Variants in PECAM1 observed in about 807,000 individuals in gnomAD.
The protein encoded by PECAM1 is platelet endothelial cell adhesion molecule.
PECAM1 carries 8 observed loss-of-function variants against 13.8 expected under a neutral mutation model. The ratio of observed to expected loss-of-function variants is 0.58; its 90% CI spans 0.34 to 1.05. The LOEUF is 1.05. Ranked by LOEUF, PECAM1 falls within the 50% of genes least tolerant of loss-of-function variation. The pLI, the probability that PECAM1 is intolerant of heterozygous loss-of-function variation, is 0.03. For synonymous variants in PECAM1, 136 were observed against 52.6 expected, an observed-to-expected ratio of 2.58 and a Z score of -6.86; for missense variants, 304 against 141.2, an observed-to-expected ratio of 2.15 and a Z score of -5.84.
In PECAM1 at chr17:64,388,072, G is replaced by A. The variant is rs1287131153; in HGVS notation, c.91+2417C>T. On this transcript the variant is annotated intron_variant, in intron 2 of 15. Coordinates refer to ENST00000563924, the MANE Select transcript of PECAM1 (RefSeq NM_000442.5). Reference sequence around the variant, plus strand: ...CAAGGCAGAGGCCTGAGGAGGCAGTGGGAGAGTCGCTCCCTGTGCCATGTG... The same window carrying A: ...CAAGGCAGAGGCCTGAGGAGGCAGTAGGAGAGTCGCTCCCTGTGCCATGTG... Among the ~76,000 whole-genome samples, 13 of 115,172 alleles carry A rather than the reference G, an allele frequency of 1.1e-4. No homozygotes were observed. In the East Asian group the frequency reaches 3.2e-3, roughly 28 times the overall value. The allele number at this position is 115,172 out of a possible 152,430, so 75.6% of individuals were successfully genotyped here.
At position 64,358,111 on chromosome 17, in the gene PECAM1, CTTTTTTTTTTT is replaced by C. The variant is rs141671796; in HGVS notation, c.1493-1724_1493-1714del. 1.4e-4 allele frequency among the ~76,000 whole-genome samples: 10 copies of C among 71,534 alleles called. 1 individual carries two copies. Among genetic ancestry groups the C allele is most frequent in the East Asian group, 5.4e-4 (1 of 1,868 alleles). 46.9% of individuals were successfully genotyped at this position (71,534 alleles called of 152,430 possible). On this transcript the variant is annotated intron_variant, in intron 7 of 15. Coordinates refer to ENST00000563924, the MANE Select transcript of PECAM1 (RefSeq NM_000442.5). ...TCCAGCCATCTGATTTGGCCACAGT[CTTTTTTTTTTT>C]TTTTTTTTTTTTTTGAGATAGAGTC...
At chr17:64,347,396 C>G (rs1022972787) in intron 13 of PECAM1, among the ~76,000 whole-genome samples, 37 of 150,094 alleles carry the variant, frequency 2.5e-4, no homozygotes, top group Non-Finnish European at 4.9e-4. Context: ...CCGGCTGTGG[C>G]GGTGCATGCC....
intron 13 of PECAM1, among the ~76,000 whole-genome samples, chr17:64,345,481 G>C (rs1296289584): frequency 6.6e-6 from 1 of 152,088 alleles, no homozygotes; most frequent in Non-Finnish European, 1.5e-5. Context: ...GGGTGGTCAA[G>C]GCGGGTGGAT....
At chr17:64,387,821 C>A (rs1274383608) in intron 2 of PECAM1, among the ~76,000 whole-genome samples, 1 of 152,076 alleles carries the variant, frequency 6.6e-6, no homozygotes, top group Non-Finnish European at 1.5e-5. Context: ...TGGAGGGGAA[C>A]AAAGAGGCCT....
In PECAM1 at chr17:64,329,962, T is replaced by G. The variant is rs556844492; in HGVS notation, c.2165-240A>C. 2.0e-5 allele frequency among the ~76,000 whole-genome samples: 3 copies of G among 151,532 alleles called. No homozygotes were observed. In the East Asian group the frequency reaches 5.8e-4, roughly 29 times the overall value. ...CCTGGCACTTCATTTAAAATTTTCT[T>G]TATTTTTTATTTTTTGAGACAGAGT... On this transcript the variant is annotated intron_variant, in intron 14 of 15. Transcript: ENST00000563924.
intron 15 of PECAM1, among the ~76,000 whole-genome samples, chr17:64,328,795 A>G (rs1351040203): frequency 6.6e-6 from 1 of 152,180 alleles, no homozygotes; most frequent in African/African-American, 2.4e-5. Context: ...ATTTCTTCAG[A>G]TATTAGCTGC....
At chr17:64,377,641 G>GAA (rs1598050577) in intron 3 of PECAM1, 183 bp downstream of exon 3, 13 of 405,770 alleles carry the variant, frequency 3.2e-5, no homozygotes, top group Admixed American at 8.5e-5. Flanking sequence ...AGGAAGGAAG[G>GAA]GCCTGGCCTA....
chr17:64,347,765 C>T (rs2035615214), intron 13 of PECAM1, among the ~76,000 whole-genome samples: 1 of 147,884 alleles, frequency 6.8e-6, no homozygotes, highest in South Asian at 2.1e-4. Flanking sequence ...GAGTCTCACT[C>T]TGTCACCCAG....
rs1037956428 is a variant in PECAM1, at chr17:64,339,615, C to T, written c.2164+2019G>A. The stretch of plus-strand genomic sequence containing the variant: ...TCCCTTACACTAGACAAATAGAGAA[C>T]GGCTGTTTATTGTCAGATTTGCATT... On this transcript the variant is annotated intron_variant, in intron 14 of 15. Transcript: ENST00000563924. 1.4e-4 allele frequency among the ~76,000 whole-genome samples: 22 copies of T among 151,856 alleles called. No homozygotes were observed. The South Asian group carries it at 1.5e-3, about 10-fold the overall frequency.
intron 14 of PECAM1, among the ~76,000 whole-genome samples, chr17:64,338,333 G>A (rs1275472978): frequency 7.0e-6 from 1 of 142,910 alleles, no homozygotes; most frequent in East Asian, 2.1e-4. Context: ...TCTCACCTCA[G>A]CCTTCCAAAG....
chr17:64,341,163 C>T (rs2143730528), intron 14 of PECAM1, among the ~76,000 whole-genome samples: 1 of 150,268 alleles, frequency 6.7e-6, no homozygotes, highest in East Asian at 2.0e-4. Flanking sequence ...ACTTGGGAGG[C>T]TGAGGCAGGA....
chr17:64,321,363 C>A lies in PECAM1; in HGVS notation c.*2453G>T. 1 of 916,530 alleles carries A rather than the reference C, an allele frequency of 1.1e-6. No individual in the cohort carries two copies. The highest frequency in any genetic ancestry group is 1.8e-5 in the African/African-American group (1 of 55,972). 56.8% of individuals were successfully genotyped at this position (916,530 alleles called of 1,614,324 possible). Reference sequence around the variant, plus strand: ...AAGGCTAAAGCCAGCGTCCTGGATTCAGACAGACCTTTTAGCCATTAAATC... The same window carrying A: ...AAGGCTAAAGCCAGCGTCCTGGATTAAGACAGACCTTTTAGCCATTAAATC... On this transcript the variant is annotated 3_prime_UTR_variant, in exon 16 of 16. Transcript: ENST00000563924.
rs1226250200 is a variant in PECAM1, at chr17:64,356,374, G to C, written c.1517C>G (p.Ser506Cys). ...CTCCACCACCTTACTTGACAGGATA[G>C]AAATCTGGACCTCATCCACCGGGGC... ...VIAPVDEVQI[S>C]ILSSKVVESG... The change falls in exon 8 of 16, where the codon TCT becomes TGT. Residue 506 changes from serine to cysteine, a missense_variant. Physicochemically the swap from Ser to Cys is moderately radical, Grantham distance 112. Transcript: ENST00000563924. 6 of 471,290 alleles carry C rather than the reference G, an allele frequency of 1.3e-5. No individual in the cohort carries two copies. The East Asian group carries it at 1.9e-4, about 15-fold the overall frequency. The allele number at this position is 471,290 out of a possible 1,614,324, so 29.2% of individuals were successfully genotyped here.
intron 4 of PECAM1, among the ~76,000 whole-genome samples, chr17:64,370,977 C>T (rs1188936484): frequency 6.6e-6 from 1 of 152,072 alleles, no homozygotes; most frequent in Non-Finnish European, 1.5e-5. Flanking sequence ...AATAGCCTGC[C>T]TTCTCAAATA....
rs888267329 is a variant in PECAM1, at chr17:64,375,053, G to A, written c.689C>T (p.Thr230Met). 20 of 475,126 alleles carry A rather than the reference G, an allele frequency of 4.2e-5. No homozygotes were observed. Among genetic ancestry groups the A allele is most frequent in the Middle Eastern group, 5.9e-4 (1 of 1,682 alleles). 29.4% of individuals were successfully genotyped at this position (475,126 alleles called of 1,614,324 possible). ...GAGGAAGGGAGCAGGATGCTGACCC[G>A]TCACGGTGACCAGTTCACTCTTGGT... ...ESTKSELVTVTESFSTPKFHI... is the reference protein window; with the variant it reads ...ESTKSELVTVMESFSTPKFHI... The change falls in exon 4 of 16, where the codon ACG becomes ATG. Residue 230 changes from threonine (T) to methionine (M), a missense_variant and splice_region_variant. Coordinates refer to ENST00000563924, the MANE Select transcript of PECAM1 (RefSeq NM_000442.5).
chr17:64,350,512 TA>T (rs2035693679), intron 11 of PECAM1, 79 bp from the exon 12 acceptor site: 3 of 410,972 alleles, frequency 7.3e-6, no homozygotes, highest in Non-Finnish European at 1.3e-5. Flanking sequence ...TCAGTACCCC[TA>T]ACAAAGTCAA....
Position 64,387,982 on chromosome 17 carries a change from C to T in PECAM1, c.91+2507G>A, listed in dbSNP as rs922798367. Among the ~76,000 whole-genome samples, 31 of 152,324 alleles carry T rather than the reference C, an allele frequency of 2.0e-4. No individual in the cohort carries two copies. In the East Asian group the frequency reaches 5.8e-3, roughly 28 times the overall value. On this transcript the variant is annotated intron_variant, in intron 2 of 15. Transcript: ENST00000563924. The stretch of plus-strand genomic sequence containing the variant: ...TGGTTCCAGCCGCCGCCCTGCCCAC[C>T]CCCAGTGTTGACCCTGCTTGCTTGG...
At chr17:64,376,403 G>A (rs1332723054) in intron 3 of PECAM1, among the ~76,000 whole-genome samples, 1 of 152,162 alleles carries the variant, frequency 6.6e-6, no homozygotes, top group African/African-American at 2.4e-5. Flanking sequence ...ATCCTATTGG[G>A]AAGAGGACAC....
At chr17:64,368,927 A>ATTTC (rs2036173640) in intron 5 of PECAM1, among the ~76,000 whole-genome samples, 1 of 85,886 alleles carries the variant, frequency 1.2e-5, no homozygotes, top group African/African-American at 4.1e-5. Context: ...GGTAATTGTC[A>ATTTC]TTTCTTTTTT....
Sources: gnomAD v4.1 joint callset for allele counts (sites outside exome capture counted in the v4.1 genomes callset) on GRCh38, gnomAD v4.1.1 for gene constraint, MANE v1.5 for transcripts, NCBI Gene and HGNC (gene_info 2026-07-23, HGNC 2026-07-21) for gene names.